PDE1C: variants seen among roughly 807,000 people sequenced by gnomAD.
PDE1C encodes the protein dual specificity calcium/calmodulin-dependent 3',5'-cyclic nucleotide phosphodiesterase 1C.
A neutral mutation model predicts 93.1 loss-of-function variants in PDE1C; 62 were observed. That is an observed-to-expected ratio of 0.67 (90% CI 0.54 to 0.82). The LOEUF (loss-of-function observed/expected upper bound fraction) is 0.82. Ranked by LOEUF, PDE1C falls within the 40% of genes least tolerant of loss-of-function variation. The pLI is 0.00. For synonymous variants in PDE1C, 325 were observed against 310.1 expected, an observed-to-expected ratio of 1.05 and a Z score of -0.50; for missense variants, 742 against 884.6, an observed-to-expected ratio of 0.84 and a Z score of 2.04.
chr7:32,208,140 C>T (rs1204329014), intron 2 of PDE1C, among the ~76,000 whole-genome samples: 1 of 152,184 alleles, frequency 6.6e-6, no homozygotes, highest in Non-Finnish European at 1.5e-5. Flanking sequence ...ACTTCATGCT[C>T]TTTCATTATC....
chr7:32,427,324 A>G (rs1359047648), intron 1 of PDE1C, among the ~76,000 whole-genome samples: 1 of 152,178 alleles, frequency 6.6e-6, no homozygotes, highest in Admixed American at 6.5e-5. Context: ...TCGCAATGAA[A>G]GCAGCACGTC....
At chr7:32,407,328 T>A (rs1409569516) in intron 1 of PDE1C, among the ~76,000 whole-genome samples, 2 of 152,058 alleles carry the variant, frequency 1.3e-5, no homozygotes, top group Non-Finnish European at 2.9e-5. Context: ...TTGTGTTATA[T>A]CCAAATTTTA....
chr7:32,158,241 A>T (rs1483772208), intron 3 of PDE1C, among the ~76,000 whole-genome samples: 1 of 152,154 alleles, frequency 6.6e-6, no homozygotes, highest in Non-Finnish European at 1.5e-5. Context: ...TCACGCTCTC[A>T]GGCAGTTTAT....
chr7:32,369,095 T>C (rs927232041), intron 1 of PDE1C, among the ~76,000 whole-genome samples: 1 of 152,170 alleles, frequency 6.6e-6, no homozygotes, highest in Non-Finnish European at 1.5e-5. Context: ...AAAGATTTTA[T>C]GAATAAGACC....
chr7:32,305,737 G>A (rs536587149), intron 1 of PDE1C, among the ~76,000 whole-genome samples: 1 of 152,312 alleles, frequency 6.6e-6, no homozygotes, highest in South Asian at 2.1e-4. Flanking sequence ...AACTCACTAG[G>A]GCAAGAGTCT....
chr7:31,784,109 C>T (rs1783670768), intron 16 of PDE1C: 1 of 152,132 alleles, frequency 6.6e-6, no homozygotes, highest in Non-Finnish European at 1.5e-5. Flanking sequence ...CCAGATATTT[C>T]TCACAAATCC....
At chr7:32,342,219 CA>C (rs772791785) in intron 1 of PDE1C, among the ~76,000 whole-genome samples, 1 of 152,288 alleles carries the variant, frequency 6.6e-6, no homozygotes, top group East Asian at 1.9e-4. Flanking sequence ...TACCGGCACT[CA>C]AACATAAATC....
intron 2 of PDE1C, among the ~76,000 whole-genome samples, chr7:31,959,697 A>C (rs1247333808): frequency 6.6e-6 from 1 of 152,190 alleles, no homozygotes; most frequent in Non-Finnish European, 1.5e-5. Flanking sequence ...AATGAAAATA[A>C]AGTTTCCAAT....
chr7:32,359,802 C>A (rs1301909186), intron 1 of PDE1C, among the ~76,000 whole-genome samples: 1 of 152,154 alleles, frequency 6.6e-6, no homozygotes, highest in African/African-American at 2.4e-5. Flanking sequence ...CATGGAAGAG[C>A]CTTTGCTCAT....
chr7:32,064,999 A>T (rs1795213029), intron 1 of PDE1C, among the ~76,000 whole-genome samples: 1 of 133,374 alleles, frequency 7.5e-6, no homozygotes, highest in East Asian at 2.4e-4. Flanking sequence ...GGAGAAGGTA[A>T]TCCTGTTACC....
At chr7:31,912,154 A>T (rs1449972973) in intron 2 of PDE1C, among the ~76,000 whole-genome samples, 1 of 152,212 alleles carries the variant, frequency 6.6e-6, no homozygotes, top group Non-Finnish European at 1.5e-5. Flanking sequence ...ATCAGTAAGG[A>T]GGAGAAAAGT....
chr7:31,809,171 T>C (rs1393017009), intron 15 of PDE1C, 63 bp from the exon 16 acceptor site: 1 of 890,910 alleles, frequency 1.1e-6, no homozygotes, highest in South Asian at 1.4e-5. Flanking sequence ...TATAAACATC[T>C]TTAAGTCTGC....
intron 2 of PDE1C, among the ~76,000 whole-genome samples, chr7:31,967,779 C>T (rs543262641): frequency 6.6e-6 from 1 of 152,182 alleles, no homozygotes; most frequent in African/African-American, 2.4e-5. Flanking sequence ...TGGGCTTCAT[C>T]CCTGGGATGC....
At chr7:31,649,258 C>T in the PDE1C span, among the ~76,000 whole-genome samples, 107 of 152,158 alleles carry the variant, frequency 7.0e-4, no homozygotes, top group Non-Finnish European at 1.3e-3. Context: ...AATAGCCATC[C>T]GGCTGCCAGG....
chr7:32,140,125 T>G (rs1041263001), intron 3 of PDE1C, among the ~76,000 whole-genome samples: 2 of 152,254 alleles, frequency 1.3e-5, no homozygotes, highest in Non-Finnish European at 2.9e-5. Context: ...CTGATGCAGT[T>G]GCCATCTATT....
At chr7:32,207,138 C>G (rs1456355381) in intron 2 of PDE1C, among the ~76,000 whole-genome samples, 4 of 152,082 alleles carry the variant, frequency 2.6e-5, no homozygotes. Flanking sequence ...ACAGGACTAA[C>G]TCCACAGCAT....
intron 14 of PDE1C, among the ~76,000 whole-genome samples, chr7:31,819,910 T>C (rs775474203): frequency 6.6e-6 from 1 of 152,080 alleles, no homozygotes; most frequent in Non-Finnish European, 1.5e-5. Context: ...AAATACTATA[T>C]GAATTTTGAC....
intron 1 of PDE1C, among the ~76,000 whole-genome samples, chr7:32,366,667 A>C (rs963914809): frequency 2.6e-5 from 4 of 152,096 alleles, no homozygotes; most frequent in African/African-American, 9.7e-5. Flanking sequence ...AAGCAGCAGG[A>C]AAAAAAGTGT....
At chr7:31,851,006 A>G in intron 7 of PDE1C, 1 of 374,146 alleles carries the variant, frequency 2.7e-6, no homozygotes, top group East Asian at 5.6e-5. Context: ...GAACATGAAG[A>G]CTTGAAAAGC....
Sources: gnomAD v4.1 joint callset for allele counts (sites outside exome capture counted in the v4.1 genomes callset) on GRCh38, gnomAD v4.1.1 for gene constraint, MANE v1.5 for transcripts, NCBI Gene and HGNC (gene_info 2026-07-23, HGNC 2026-07-21) for gene names.